Variants in PRKG1 observed in about 807,000 individuals in gnomAD.
PRKG1 encodes the protein cGMP-dependent protein kinase 1.
A neutral mutation model predicts 88.1 loss-of-function variants in PRKG1; 35 were observed. That is an observed-to-expected ratio of 0.40 (90% CI 0.30 to 0.53). The LOEUF (loss-of-function observed/expected upper bound fraction) is 0.53, where lower values mean the gene tolerates loss of function less well. PRKG1 is among the 20% of genes least tolerant of loss of function. PRKG1 has a pLI of 0.59. For synonymous variants in PRKG1, 303 were observed against 292.5 expected, an observed-to-expected ratio of 1.04 and a Z score of -0.37; for missense variants, 540 against 839.8, an observed-to-expected ratio of 0.64 and a Z score of 4.41.
chr10:51,013,134 C>T (rs372808019), intron 1 of PRKG1, among the ~76,000 whole-genome samples: 1 of 151,598 alleles, frequency 6.6e-6, no homozygotes, highest in African/African-American at 2.4e-5. Flanking sequence ...AACCAAGGAA[C>T]AAGAGAAACT....
At chr10:51,440,079 A>T (rs911500106) in intron 2 of PRKG1, among the ~76,000 whole-genome samples, 1 of 151,964 alleles carries the variant, frequency 6.6e-6, no homozygotes, top group Non-Finnish European at 1.5e-5. Context: ...GGAAAATTAA[A>T]TGGCTTGTAC....
At position 51,251,243 on chromosome 10, in the gene PRKG1, G is replaced by T. The variant is rs145945350; in HGVS notation, c.478+97913G>T. Among the ~76,000 whole-genome samples the T allele has an allele frequency of 3.6e-3, 541 of 151,750 alleles. 1 individual carries two copies. Among genetic ancestry groups the T allele is most frequent in the Non-Finnish European group, 4.5e-3 (308 of 67,758 alleles). On this transcript the variant is annotated intron_variant, in intron 2 of 17. Coordinates refer to ENST00000373980, the MANE Select transcript of PRKG1 (RefSeq NM_006258.4). Reference sequence around the variant, plus strand: ...GACCAGGCACCTGTTTCATAAATTGGCAAGGACATCTGCAAGTTGCGTCTT... The same window carrying T: ...GACCAGGCACCTGTTTCATAAATTGTCAAGGACATCTGCAAGTTGCGTCTT...
intron 3 of PRKG1, among the ~76,000 whole-genome samples, chr10:51,616,895 A>G (rs941018696): frequency 6.6e-6 from 1 of 152,146 alleles, no homozygotes; most frequent in Non-Finnish European, 1.5e-5. Context: ...CTTGCATTTC[A>G]GTCACAGTGG....
At chr10:51,112,501 C>A (rs1358961440) in intron 1 of PRKG1, among the ~76,000 whole-genome samples, 2 of 152,038 alleles carry the variant, frequency 1.3e-5, no homozygotes, top group Non-Finnish European at 2.9e-5. Context: ...TCATGAATTT[C>A]TGAATCTGGA....
At chr10:52,080,067 G>C (rs556171217) in intron 7 of PRKG1, among the ~76,000 whole-genome samples, 3 of 152,238 alleles carry the variant, frequency 2.0e-5, no homozygotes, top group South Asian at 2.1e-4. Flanking sequence ...CTACGACACA[G>C]CTCCAAATCT....
At chr10:51,562,170 G>T (rs747832295) in intron 3 of PRKG1, among the ~76,000 whole-genome samples, 8 of 151,456 alleles carry the variant, frequency 5.3e-5, no homozygotes, top group Non-Finnish European at 1.0e-4. Context: ...GTTGCAGTGA[G>T]CTGAGATCAC....
chr10:51,266,198 T>G (rs1839832133), intron 2 of PRKG1, among the ~76,000 whole-genome samples: 1 of 152,158 alleles, frequency 6.6e-6, no homozygotes, highest in Non-Finnish European at 1.5e-5. Flanking sequence ...TTGTCTGTCT[T>G]GCTCAGGAGC....
At chr10:51,607,796 T>C (rs1008465009) in intron 3 of PRKG1, among the ~76,000 whole-genome samples, 4 of 152,178 alleles carry the variant, frequency 2.6e-5, no homozygotes, top group Non-Finnish European at 5.9e-5. Context: ...TTCTTTCAAT[T>C]AGAGGAGGAG....
intron 2 of PRKG1, among the ~76,000 whole-genome samples, chr10:51,400,988 A>G (rs968121957): frequency 9.2e-5 from 14 of 152,358 alleles, no homozygotes; most frequent in Non-Finnish European, 1.9e-4. Context: ...CTATAAAAAT[A>G]TCTGTGAAGT....
chr10:51,700,968 T>A (rs984512172), intron 3 of PRKG1, among the ~76,000 whole-genome samples: 5 of 152,226 alleles, frequency 3.3e-5, no homozygotes, highest in African/African-American at 9.6e-5. Flanking sequence ...TTTAACATAC[T>A]GGTTGAGGTG....
intron 3 of PRKG1, among the ~76,000 whole-genome samples, chr10:51,653,316 A>G (rs533866653): frequency 2.3e-4 from 35 of 152,238 alleles, no homozygotes; most frequent in Middle Eastern, 6.8e-3. Context: ...GTGCCAATCT[A>G]CATTCCCACA....
chr10:51,389,619 A>G (rs1024674381), intron 2 of PRKG1, among the ~76,000 whole-genome samples: 3 of 152,118 alleles, frequency 2.0e-5, no homozygotes, highest in African/African-American at 7.2e-5. Context: ...CAACTTAGTT[A>G]AGCTCCCTTA....
intron 1 of PRKG1, among the ~76,000 whole-genome samples, chr10:51,056,476 A>G (rs1353040597): frequency 2.0e-5 from 3 of 152,220 alleles, no homozygotes; most frequent in African/African-American, 4.8e-5. Flanking sequence ...TAAGGAAATT[A>G]TGTTTTCAGC....
chr10:51,862,657 C>A (rs1422998268), intron 4 of PRKG1, among the ~76,000 whole-genome samples: 1 of 152,052 alleles, frequency 6.6e-6, no homozygotes, highest in Non-Finnish European at 1.5e-5. Context: ...CGAGAAAGGT[C>A]CCTGGTCATA....
intron 5 of PRKG1, among the ~76,000 whole-genome samples, chr10:51,997,217 A>G (rs1381666184): frequency 6.6e-6 from 1 of 152,086 alleles, no homozygotes; most frequent in African/African-American, 2.4e-5. Context: ...TCACATCTGT[A>G]ATCCCAGCAC....
At chr10:51,768,063 C>T (rs1024875024) in intron 3 of PRKG1, among the ~76,000 whole-genome samples, 2 of 151,734 alleles carry the variant, frequency 1.3e-5, no homozygotes, top group African/African-American at 4.8e-5. Context: ...AATTATTGCT[C>T]TAGCAAAAAT....
At chr10:51,784,592 C>T (rs982874116) in intron 3 of PRKG1, among the ~76,000 whole-genome samples, 3 of 152,062 alleles carry the variant, frequency 2.0e-5, no homozygotes, top group African/African-American at 4.8e-5. Context: ...GGTGTAAATC[C>T]TGAAATGATT....
chr10:52,219,160 G>C (rs10824256), intron 9 of PRKG1, among the ~76,000 whole-genome samples: 1 of 151,704 alleles, frequency 6.6e-6, no homozygotes, highest in Non-Finnish European at 1.5e-5. Flanking sequence ...AAACATTTAC[G>C]TACTAGGATG....
chr10:52,212,935 A>G (rs533202363), intron 9 of PRKG1, among the ~76,000 whole-genome samples: 5 of 152,318 alleles, frequency 3.3e-5, no homozygotes, highest in South Asian at 2.1e-4. Flanking sequence ...TGATTTTGTC[A>G]TAACAAGTTA....
Sources: allele counts gnomAD v4.1 joint callset (sites outside exome capture counted in the v4.1 genomes callset), GRCh38; gene constraint gnomAD v4.1.1; transcripts MANE v1.5; gene names NCBI Gene and HGNC (gene_info 2026-07-23, HGNC 2026-07-21).